Variants in GRID1 observed in about 807,000 individuals in gnomAD.
GRID1 encodes glutamate ionotropic receptor delta type subunit 1.
GRID1 carries 28 observed loss-of-function variants against 98.0 expected under a neutral mutation model. The ratio of observed to expected loss-of-function variants is 0.29; its 90% CI spans 0.21 to 0.39. The LOEUF (loss-of-function observed/expected upper bound fraction) is 0.39, where lower values mean the gene tolerates loss of function less well. Among genes scored for constraint, GRID1 ranks in the 10% least tolerant of loss-of-function variants. The pLI, the probability that GRID1 is intolerant of heterozygous loss-of-function variation, is 1.00. For missense variants in GRID1, 1,111 were observed against 1,340.5 expected (o/e 0.83, Z 2.67); for synonymous variants, 553 against 538.5 (o/e 1.03, Z -0.37).
chr10:86,333,597 C>T (rs10749534), intron 2 of GRID1, among the ~76,000 whole-genome samples: 99,589 of 152,130 alleles, frequency 0.65, 35,763 homozygotes, highest in Non-Finnish European at 0.81. Flanking sequence ...CAACTTTTGA[C>T]TCCCTAAAAA....
chr10:86,233,967 G>C (rs542544295), intron 2 of GRID1, among the ~76,000 whole-genome samples: 1 of 151,288 alleles, frequency 6.6e-6, no homozygotes, highest in Non-Finnish European at 1.5e-5. Context: ...GGGTGAGGGT[G>C]GGGGTGCTTC....
chr10:85,870,329 G>C (rs1170696178), intron 5 of GRID1, among the ~76,000 whole-genome samples: 1 of 152,206 alleles, frequency 6.6e-6, no homozygotes, highest in African/African-American at 2.4e-5. Context: ...CGATTTTCCA[G>C]CCGCTCTCAG....
chr10:85,795,807 G>T (rs935960962), intron 8 of GRID1, among the ~76,000 whole-genome samples: 1 of 152,140 alleles, frequency 6.6e-6, no homozygotes, highest in African/African-American at 2.4e-5. Flanking sequence ...TAGAGAAAGT[G>T]ACCATGGGTA....
chr10:86,045,753 T>C (rs571021582), intron 4 of GRID1, among the ~76,000 whole-genome samples: 2 of 152,256 alleles, frequency 1.3e-5, no homozygotes, highest in African/African-American at 4.8e-5. Flanking sequence ...TCATGACCAA[T>C]TGTCATAATG....
intron 4 of GRID1, among the ~76,000 whole-genome samples, chr10:85,950,053 T>C (rs919149722): frequency 1.3e-5 from 2 of 152,058 alleles, no homozygotes; most frequent in African/African-American, 4.8e-5. Context: ...GAGAGAGAGA[T>C]ACCTGGTAGG....
chr10:86,073,876 A>G (rs1262737894), intron 4 of GRID1, among the ~76,000 whole-genome samples: 1 of 152,180 alleles, frequency 6.6e-6, no homozygotes, highest in Non-Finnish European at 1.5e-5. Context: ...AGAGATATGG[A>G]CAGTCAGGAC....
chr10:86,361,360 C>T (rs1354991410), intron 2 of GRID1, among the ~76,000 whole-genome samples: 1 of 152,204 alleles, frequency 6.6e-6, no homozygotes, highest in Admixed American at 6.5e-5. Flanking sequence ...AAGTACATGC[C>T]AGCTTTCACC....
intron 2 of GRID1, among the ~76,000 whole-genome samples, chr10:86,349,806 A>G (rs1266520840): frequency 6.6e-6 from 1 of 152,198 alleles, no homozygotes; most frequent in Non-Finnish European, 1.5e-5. Flanking sequence ...AAGGACTTTT[A>G]CTGAACACCT....
At chr10:86,346,400 C>T (rs1848382624) in intron 2 of GRID1, among the ~76,000 whole-genome samples, 2 of 152,218 alleles carry the variant, frequency 1.3e-5, no homozygotes, top group South Asian at 4.1e-4. Context: ...TTATCTCTGC[C>T]CAGGCCTGTG....
chr10:85,794,195 G>T (rs547843087), intron 8 of GRID1, among the ~76,000 whole-genome samples: 3 of 152,202 alleles, frequency 2.0e-5, no homozygotes, highest in Non-Finnish European at 2.9e-5. Context: ...GAGGTTATTT[G>T]GTTAGCCTCT....
chr10:85,902,356 G>C (rs1841400898), intron 5 of GRID1, among the ~76,000 whole-genome samples: 1 of 152,194 alleles, frequency 6.6e-6, no homozygotes, highest in African/African-American at 2.4e-5. Context: ...ATGCAGAAGA[G>C]CATGCGATTG....
At chr10:85,713,658 T>C (rs1456445086) in intron 12 of GRID1, among the ~76,000 whole-genome samples, 1 of 145,512 alleles carries the variant, frequency 6.9e-6, no homozygotes, top group Non-Finnish European at 1.5e-5. Flanking sequence ...TATCCCATGA[T>C]CAAGTGGAAC....
chr10:86,129,101 G>C (rs1278927498), intron 4 of GRID1, among the ~76,000 whole-genome samples: 2 of 152,170 alleles, frequency 1.3e-5, no homozygotes, highest in African/African-American at 4.8e-5. Flanking sequence ...TCGGGTGCCT[G>C]GGAGGTTGTA....
intron 4 of GRID1, among the ~76,000 whole-genome samples, chr10:85,969,864 T>G (rs796631446): frequency 3.3e-5 from 5 of 151,292 alleles, no homozygotes; most frequent in African/African-American, 1.2e-4. Context: ...ATAAATGAAA[T>G]AGAGCATAGA....
At chr10:86,221,966 G>A (rs1454394495) in intron 2 of GRID1, among the ~76,000 whole-genome samples, 4 of 152,112 alleles carry the variant, frequency 2.6e-5, no homozygotes, top group Admixed American at 6.5e-5. Flanking sequence ...GGAGGCAGCA[G>A]GAACAGCATC....
intron 4 of GRID1, among the ~76,000 whole-genome samples, chr10:86,092,252 G>A (rs1844160689): frequency 6.6e-6 from 1 of 152,132 alleles, no homozygotes; most frequent in Non-Finnish European, 1.5e-5. Flanking sequence ...AAGAAATGAA[G>A]GGAGAAGTAT....
chr10:86,095,340 CAAAGAT>C (rs1349693367), intron 4 of GRID1, among the ~76,000 whole-genome samples: 1 of 152,108 alleles, frequency 6.6e-6, no homozygotes, highest in Admixed American at 6.5e-5. Flanking sequence ...GCAATAAAAA[CAAAGAT>C]AAAAAGCTGG....
chr10:86,184,065 T>C (rs1845694107), intron 3 of GRID1, among the ~76,000 whole-genome samples: 1 of 152,254 alleles, frequency 6.6e-6, no homozygotes, highest in African/African-American at 2.4e-5. Context: ...GTATCCTCTT[T>C]GGTAAAGTGT....
chr10:86,173,933 T>C (rs10788483), intron 3 of GRID1, among the ~76,000 whole-genome samples: 66,829 of 151,836 alleles, frequency 0.44, 17,748 homozygotes, highest in African/African-American at 0.74. Flanking sequence ...TGCATAGTAT[T>C]CCATGGTGTA....
Sources: allele counts gnomAD v4.1 joint callset (sites outside exome capture counted in the v4.1 genomes callset), GRCh38; gene constraint gnomAD v4.1.1; transcripts MANE v1.5; gene names NCBI Gene and HGNC (gene_info 2026-07-23, HGNC 2026-07-21).